STT3B: variants seen among roughly 807,000 people sequenced by gnomAD.
STT3B encodes dolichyl-diphosphooligosaccharide--protein glycosyltransferase subunit STT3B.
Under a neutral mutation model 96.8 loss-of-function variants are expected in STT3B, and 29 were observed. That is an observed-to-expected ratio of 0.30 (90% CI 0.22 to 0.41). The LOEUF (loss-of-function observed/expected upper bound fraction) is 0.41. Among genes scored for constraint, STT3B ranks in the 10% least tolerant of loss-of-function variants. The pLI is 1.00. For synonymous variants in STT3B, 367 were observed against 360.0 expected (o/e 1.02, Z -0.22); for missense variants, 640 against 1,022.3 (o/e 0.63, Z 5.10).
intron 5 of STT3B, among the ~76,000 whole-genome samples, chr3:31,607,047 C>T (rs144504429): frequency 0.014 from 2,176 of 152,218 alleles, 32 homozygotes; most frequent in Middle Eastern, 0.045. Context: ...GGACCTTCAG[C>T]GCCTTTATTT....
rs1201810296 is a variant in STT3B at position 31,637,262 on chromosome 3, A to G, written c.*1198A>G. 2 of 152,198 alleles carry G rather than the reference A, an allele frequency of 1.3e-5. No homozygotes were observed. The highest frequency in any genetic ancestry group is 2.1e-4 in the South Asian group (1 of 4,832). 9.4% of individuals were successfully genotyped at this position (152,198 alleles called of 1,614,324 possible). A position where few individuals can be genotyped will look rare whatever the true frequency, so the allele number is the denominator to read the frequency against. On this transcript the variant is annotated 3_prime_UTR_variant, in exon 16 of 16. Transcript: ENST00000295770. ...GAAAGGGTTTTTCCTGCCACAGGAT[A>G]TAACTTTTTTTTATATAACAAGCAT...
At chr3:31,566,842 G>A (rs1308077431) in intron 1 of STT3B, among the ~76,000 whole-genome samples, 2 of 152,148 alleles carry the variant, frequency 1.3e-5, no homozygotes, top group Non-Finnish European at 2.9e-5. Context: ...TTCCAAAAGA[G>A]CAGAATTTGC....
chr3:31,593,470 T>C (rs548149431), intron 3 of STT3B, among the ~76,000 whole-genome samples: 16 of 152,242 alleles, frequency 1.1e-4, no homozygotes, highest in Admixed American at 3.3e-4. Context: ...GTTTCATGGA[T>C]CTGTAGATTA....
At chr3:31,590,342 A>G (rs1210728531) in intron 3 of STT3B, among the ~76,000 whole-genome samples, 3 of 151,296 alleles carry the variant, frequency 2.0e-5, no homozygotes, top group Admixed American at 6.6e-5. Flanking sequence ...TCTAATTCAC[A>G]CTTGGTTTAC....
At chr3:31,545,402 T>G (rs1697382497) in intron 1 of STT3B, among the ~76,000 whole-genome samples, 1 of 152,220 alleles carries the variant, frequency 6.6e-6, no homozygotes, top group South Asian at 2.1e-4. Flanking sequence ...GTATGTAACA[T>G]TAAGTGATGT....
At chr3:31,605,317 C>T (rs190388480) in intron 5 of STT3B, among the ~76,000 whole-genome samples, 92 of 151,928 alleles carry the variant, frequency 6.1e-4, no homozygotes, top group Admixed American at 1.2e-3. Flanking sequence ...TAAAATATAA[C>T]CTGTAATAGG....
At chr3:31,569,901 A>G (rs959222378) in intron 1 of STT3B, among the ~76,000 whole-genome samples, 3 of 152,022 alleles carry the variant, frequency 2.0e-5, no homozygotes, top group Non-Finnish European at 2.9e-5. Context: ...TGTAAATCAT[A>G]TAAATTTTAT....
intron 1 of STT3B, among the ~76,000 whole-genome samples, chr3:31,548,173 GTAGT>G (rs1697461748): frequency 6.6e-6 from 1 of 152,098 alleles, no homozygotes; most frequent in Non-Finnish European, 1.5e-5. Context: ...TCTTAAAGAG[GTAGT>G]TATTCTTGCC....
intron 1 of STT3B, among the ~76,000 whole-genome samples, chr3:31,572,820 G>A (rs77063447): frequency 0.013 from 2,044 of 152,328 alleles, 58 homozygotes; most frequent in African/African-American, 0.046. Flanking sequence ...TCGCACCACT[G>A]CACTGCAGAA....
chr3:31,622,426 C>A, intron 10 of STT3B, 118 bp downstream of exon 10: 1 of 893,198 alleles, frequency 1.1e-6, no homozygotes. Flanking sequence ...CAAACTGTGA[C>A]TTTTCTAGTT....
At chr3:31,600,787 T>C (rs776403255) in intron 5 of STT3B, among the ~76,000 whole-genome samples, 1 of 152,132 alleles carries the variant, frequency 6.6e-6, no homozygotes, top group Non-Finnish European at 1.5e-5. Context: ...CAACTTACTG[T>C]AAGAGATTGA....
chr3:31,588,639 G>A (rs1416304708), intron 3 of STT3B, among the ~76,000 whole-genome samples: 1 of 151,946 alleles, frequency 6.6e-6, no homozygotes, highest in Non-Finnish European at 1.5e-5. Context: ...TTTCTAGAAA[G>A]TGTTGCACTT....
chr3:31,619,147 C>T (rs980020303), intron 8 of STT3B, among the ~76,000 whole-genome samples: 11 of 151,944 alleles, frequency 7.2e-5, no homozygotes, highest in African/African-American at 2.4e-4. Flanking sequence ...AAATCTGAAA[C>T]GCTCTAAAAT....
chr3:31,622,452 C>T, intron 10 of STT3B, 144 bp downstream of exon 10: 2 of 686,720 alleles, frequency 2.9e-6, no homozygotes, highest in South Asian at 2.0e-5. Context: ...CCACTGTTTG[C>T]CTCAAAATAT....
At chr3:31,610,491 T>TA (rs1395804136) in intron 5 of STT3B, among the ~76,000 whole-genome samples, 1 of 152,216 alleles carries the variant, frequency 6.6e-6, no homozygotes, top group African/African-American at 2.4e-5. Flanking sequence ...TGCAATGCCT[T>TA]ATCAGAGAGA....
chr3:31,575,749 A>G (rs1698249656), intron 1 of STT3B, among the ~76,000 whole-genome samples: 1 of 151,928 alleles, frequency 6.6e-6, no homozygotes, highest in Admixed American at 6.6e-5. Flanking sequence ...GACTGAGTAT[A>G]CCTAATGGCA....
rs186863002 is a variant in STT3B at position 31,623,888 on chromosome 3, C to T, written c.1727+27C>T. ...TAAGAAAATAACTCGGATACAAAAA[C>T]ATTTTATACTTACACTTCTTTTTCG... On this transcript the variant is annotated intron_variant, in intron 11 of 15. Transcript: ENST00000295770. 4 of 1,511,312 alleles carry T rather than the reference C, an allele frequency of 2.6e-6. No individual in the cohort carries two copies. The African/African-American group carries it at 4.1e-5, about 16-fold the overall frequency. 93.6% of individuals were successfully genotyped at this position (1,511,312 alleles called of 1,614,324 possible).
At chr3:31,565,300 T>C (rs908974131) in intron 1 of STT3B, among the ~76,000 whole-genome samples, 1 of 152,240 alleles carries the variant, frequency 6.6e-6, no homozygotes, top group African/African-American at 2.4e-5. Context: ...ATTCAAATGA[T>C]AGCAGGCAGA....
chr3:31,598,494 A>G (rs1698844308), intron 4 of STT3B, among the ~76,000 whole-genome samples: 1 of 152,192 alleles, frequency 6.6e-6, no homozygotes, highest in East Asian at 1.9e-4. Flanking sequence ...AAAGCTGTAG[A>G]AAGACTGTTC....
Sources: gnomAD v4.1 joint callset for allele counts (sites outside exome capture counted in the v4.1 genomes callset) on GRCh38, gnomAD v4.1.1 for gene constraint, MANE v1.5 for transcripts, NCBI Gene and HGNC (gene_info 2026-07-23, HGNC 2026-07-21) for gene names.